Variants in CPSF6 observed in about 807,000 individuals in gnomAD.
CPSF6 encodes the protein cleavage and polyadenylation specificity factor subunit 6.
Under a neutral mutation model 56.7 loss-of-function variants are expected in CPSF6, and 10 were observed. The observed-to-expected ratio is 0.18, with a 90% confidence interval of 0.11 to 0.30. The LOEUF is 0.30. CPSF6 is among the 10% of genes least tolerant of loss of function. The pLI, the probability that CPSF6 is intolerant of heterozygous loss-of-function variation, is 1.00. For missense variants in CPSF6, 419 were observed against 722.9 expected (o/e 0.58, Z 4.82); for synonymous variants, 248 against 244.8 (o/e 1.01, Z -0.12).
At chr12:69,252,248 C>G (rs200347849) in intron 2 of CPSF6, 3 of 250,120 alleles carry the variant, frequency 1.2e-5, no homozygotes, top group Non-Finnish European at 2.2e-5. Context: ...TAATTAAAAA[C>G]AAAACAAACA....
chr12:69,270,409 CAT>C lies in CPSF6; in HGVS notation c.*902_*903del, dbSNP rs1873189348. ...GAAACACTTAATTGTGAACCGCTAA[CAT>C]TGAAGAAATTTTGACAATTCCGATT... On this transcript the variant is annotated 3_prime_UTR_variant, in exon 10 of 10. Coordinates refer to ENST00000435070, the MANE Select transcript of CPSF6 (RefSeq NM_007007.3). 6.6e-6 allele frequency: 1 copy of C among 152,094 alleles called. No homozygotes were observed. The highest frequency in any genetic ancestry group is 2.4e-5 in the African/African-American group (1 of 41,396). 9.4% of individuals were successfully genotyped at this position (152,094 alleles called of 1,614,324 possible). A position where few individuals can be genotyped will look rare whatever the true frequency, so the allele number is the denominator to read the frequency against.
chr12:69,252,884 T>G (rs1053117087), intron 2 of CPSF6, among the ~76,000 whole-genome samples, 167 bp from the exon 3 acceptor site: 1 of 152,172 alleles, frequency 6.6e-6, no homozygotes, highest in African/African-American at 2.4e-5. Context: ...CCAGATGGTT[T>G]TTGTGCTGTT....
chr12:69,252,402 G>T (rs141764942), intron 2 of CPSF6, among the ~76,000 whole-genome samples: 49 of 152,244 alleles, frequency 3.2e-4, no homozygotes, highest in African/African-American at 1.1e-3. Context: ...AAATGTAACA[G>T]ATCTCCCACC....
intron 8 of CPSF6, among the ~76,000 whole-genome samples, chr12:69,262,044 G>A (rs893393018): frequency 5.3e-5 from 8 of 152,144 alleles, no homozygotes; most frequent in South Asian, 2.1e-4. Flanking sequence ...CTTGAAACAC[G>A]AGTGCTTTGA....
At chr12:69,246,919 C>T (rs749671026) in intron 1 of CPSF6, among the ~76,000 whole-genome samples, 1 of 152,154 alleles carries the variant, frequency 6.6e-6, no homozygotes, top group Non-Finnish European at 1.5e-5. Flanking sequence ...TTGCCTTGGC[C>T]TCCCAAAGTG....
chr12:69,248,183 A>T (rs1565643555), intron 1 of CPSF6, among the ~76,000 whole-genome samples: 2 of 152,222 alleles, frequency 1.3e-5, no homozygotes, highest in Non-Finnish European at 2.9e-5. Context: ...ATGCTTGTAA[A>T]TTTTTTGTCT....
At chr12:69,252,182 C>T (rs1439212033) in intron 2 of CPSF6, 1 of 435,076 alleles carries the variant, frequency 2.3e-6, no homozygotes, top group Non-Finnish European at 4.6e-6. Context: ...TGAAGTGATT[C>T]TCCTGTGTCA....
chr12:69,242,925 A>G (rs1360138128), intron 1 of CPSF6, among the ~76,000 whole-genome samples: 5 of 152,144 alleles, frequency 3.3e-5, no homozygotes, highest in Non-Finnish European at 1.5e-5. Context: ...CCTGGCCAAC[A>G]TGGTGAAACC....
chr12:69,257,507 C>T (rs982614139), intron 4 of CPSF6, among the ~76,000 whole-genome samples: 4 of 152,128 alleles, frequency 2.6e-5, no homozygotes, highest in African/African-American at 9.7e-5. Flanking sequence ...AAGTAACTCA[C>T]GATTACCTAT....
intron 3 of CPSF6, among the ~76,000 whole-genome samples, chr12:69,254,397 C>T (rs1038369932): frequency 6.6e-6 from 1 of 152,170 alleles, no homozygotes; most frequent in Non-Finnish European, 1.5e-5. Context: ...TTACTTTTCC[C>T]CCTCAAATAT....
intron 1 of CPSF6, among the ~76,000 whole-genome samples, chr12:69,248,700 C>A (rs904215766): frequency 6.6e-6 from 1 of 152,120 alleles, no homozygotes; most frequent in Admixed American, 6.6e-5. Context: ...GACTTGTGGT[C>A]TTAGTTTCTG....
chr12:69,252,242 T>G (rs550981068), intron 2 of CPSF6: 2 of 256,022 alleles, frequency 7.8e-6, no homozygotes, highest in African/African-American at 8.3e-5. Context: ...CCTGGCTAAT[T>G]AAAAACAAAA....
At chr12:69,264,743 T>C (rs1798088651) in intron 9 of CPSF6, among the ~76,000 whole-genome samples, 1 of 152,174 alleles carries the variant, frequency 6.6e-6, no homozygotes, top group Non-Finnish European at 1.5e-5. Flanking sequence ...ATTGTGGATG[T>C]AGACTTGAAT....
chr12:69,273,628 T>TA lies in CPSF6; in HGVS notation c.*4121dup, dbSNP rs1229933535. On this transcript the variant is annotated 3_prime_UTR_variant, in exon 10 of 10. Coordinates refer to ENST00000435070, the MANE Select transcript of CPSF6 (RefSeq NM_007007.3). ...AAGTGTGTTCTTTTTGTCGCACTGT[T>TA]ACTGCGTAACACTTCTCAACATTCT... The TA allele has an allele frequency of 6.6e-6, 1 of 152,094 alleles. No homozygotes were observed. Among genetic ancestry groups the TA allele is most frequent in the Non-Finnish European group, 1.5e-5 (1 of 67,924 alleles). 9.4% of individuals were successfully genotyped at this position (152,094 alleles called of 1,614,324 possible). A position where few individuals can be genotyped will look rare whatever the true frequency, so the allele number is the denominator to read the frequency against.
intron 1 of CPSF6, among the ~76,000 whole-genome samples, chr12:69,249,081 A>G (rs371451552): frequency 1.7e-4 from 25 of 147,374 alleles, no homozygotes; most frequent in African/African-American, 6.3e-4. Flanking sequence ...TAACACGGTG[A>G]AACCCCATCT....
At chr12:69,239,821 G>C in intron 1 of CPSF6, 115 bp downstream of exon 1, 1 of 901,446 alleles carries the variant, frequency 1.1e-6, no homozygotes. Flanking sequence ...CGCCCTTGCC[G>C]CCTCTGGGCC....
At chr12:69,253,631 T>C (rs1341682441) in intron 3 of CPSF6, among the ~76,000 whole-genome samples, 2 of 152,208 alleles carry the variant, frequency 1.3e-5, no homozygotes, top group East Asian at 1.9e-4. Flanking sequence ...CATTCATTGA[T>C]GTTTACTTTT....
rs751772212 is a variant in CPSF6 at position 69,251,285 on chromosome 12, G to A, written c.217G>A (p.Val73Ile). 1.9e-6 allele frequency: 3 copies of A among 1,602,446 alleles called. No individual in the cohort carries two copies. The highest frequency in any genetic ancestry group is 1.7e-6 in the Non-Finnish European group (2 of 1,170,626). The change falls in exon 2 of 10, where the codon GTC (valine) becomes ATC (isoleucine). Residue 73 changes from valine to isoleucine, a missense_variant. By Grantham distance (29) the Val-to-Ile change is conservative. Transcript: ENST00000435070. Reference protein sequence around the residue: ...DVGKGAAPNVVYTYTGKRIAL... With the variant: ...DVGKGAAPNVIYTYTGKRIAL... Reference sequence around the variant, plus strand: ...GGGTAAAGGAGCAGCACCAAATGTTGTCTATACATATACTGGAAAGAGAAT... The same window carrying A: ...GGGTAAAGGAGCAGCACCAAATGTTATCTATACATATACTGGAAAGAGAAT...
intron 1 of CPSF6, among the ~76,000 whole-genome samples, chr12:69,244,450 G>A (rs1092490): frequency 6.6e-6 from 1 of 151,976 alleles, no homozygotes; most frequent in Admixed American, 6.6e-5. Context: ...TCTCGAACTC[G>A]TGACCTCAAG....
Sources: gnomAD v4.1 joint callset for allele counts (sites outside exome capture counted in the v4.1 genomes callset) on GRCh38, gnomAD v4.1.1 for gene constraint, MANE v1.5 for transcripts, NCBI Gene and HGNC (gene_info 2026-07-23, HGNC 2026-07-21) for gene names.